MIOS: variants seen among roughly 807,000 people sequenced by gnomAD.
MIOS encodes the protein meiosis regulator for oocyte development.
In MIOS, 52 loss-of-function variants were observed where a neutral mutation model predicts 96.9. The ratio of observed to expected loss-of-function variants is 0.54; its 90% CI spans 0.43 to 0.68. The LOEUF (loss-of-function observed/expected upper bound fraction) is 0.68. Ranked by LOEUF, MIOS falls within the 30% of genes least tolerant of loss-of-function variation. MIOS has a pLI of 0.00. For synonymous variants in MIOS, 397 were observed against 359.5 expected (o/e 1.10, Z -1.18); for missense variants, 1,005 against 1,052.8 (o/e 0.95, Z 0.63).
intron 3 of MIOS, among the ~76,000 whole-genome samples, chr7:7,570,575 C>T (rs1968081): frequency 1.3e-5 from 2 of 151,340 alleles, no homozygotes; most frequent in African/African-American, 4.9e-5. Flanking sequence ...TACAACTCAC[C>T]GTAATGTAGA....
chr7:7,609,096 A>G (rs1369400823), downstream of MIOS, among the ~76,000 whole-genome samples: 2 of 152,112 alleles, frequency 1.3e-5, no homozygotes, highest in African/African-American at 2.4e-5. Context: ...AAGTGTTTTT[A>G]TTATTTTTAA....
intron 3 of MIOS, among the ~76,000 whole-genome samples, chr7:7,571,909 A>C (rs115572649): frequency 0.014 from 2,123 of 152,334 alleles, 46 homozygotes; most frequent in African/African-American, 0.048. Flanking sequence ...AATTTGTTAA[A>C]ATTAAGGTTT....
At chr7:7,588,437 C>A in intron 7 of MIOS, 61 bp from the exon 8 acceptor site, 1 of 995,422 alleles carries the variant, frequency 1.0e-6, no homozygotes, top group Non-Finnish European at 1.5e-6. Context: ...CATTCAGTCT[C>A]TGCAAAAATT....
intron 12 of MIOS, among the ~76,000 whole-genome samples, chr7:7,606,597 T>A (rs1383454726): frequency 1.3e-5 from 2 of 152,188 alleles, no homozygotes; most frequent in Admixed American, 6.5e-5. Context: ...TCTGAGCACA[T>A]CCCTGTCACC....
Position 7,604,222 on chromosome 7 carries a change from A to T in MIOS, c.2402-1720A>T, listed in dbSNP as rs553675974. Among the ~76,000 whole-genome samples, 39 of 151,682 alleles carry T rather than the reference A, an allele frequency of 2.6e-4. No homozygotes were observed. In the South Asian group the frequency reaches 3.8e-3, roughly 15 times the overall value. Reference sequence around the variant, plus strand: ...TAAAACTTTAATAATAATAAAATTTAAAAAAAAATAAAGTGCTGGCTAGTG... The same window carrying T: ...TAAAACTTTAATAATAATAAAATTTTAAAAAAAATAAAGTGCTGGCTAGTG... On this transcript the variant is annotated intron_variant, in intron 11 of 12. Coordinates refer to ENST00000340080, the MANE Select transcript of MIOS (RefSeq NM_019005.4).
chr7:7,600,399 A>G (rs1021618002), intron 11 of MIOS, among the ~76,000 whole-genome samples: 6 of 152,190 alleles, frequency 3.9e-5, no homozygotes, highest in African/African-American at 1.2e-4. Context: ...ATGGAAAACA[A>G]AAAAAGGCAG....
At chr7:7,577,826 T>A (rs924184860) in intron 5 of MIOS, among the ~76,000 whole-genome samples, 1 of 152,008 alleles carries the variant, frequency 6.6e-6, no homozygotes, top group Non-Finnish European at 1.5e-5. Flanking sequence ...GAGAGAGAGC[T>A]GTCTTGAGAA....
At chr7:7,592,357 C>T (rs2115446593) in intron 9 of MIOS, among the ~76,000 whole-genome samples, 1 of 152,300 alleles carries the variant, frequency 6.6e-6, no homozygotes, top group Non-Finnish European at 1.5e-5. Flanking sequence ...GGGAATTGTT[C>T]ATTTCAGTTA....
Position 7,583,298 on chromosome 7 carries a change from C to T in MIOS, c.1574C>T (p.Ala525Val). The T allele has an allele frequency of 1.2e-6, 2 of 1,614,062 alleles. No individual in the cohort carries two copies. Among genetic ancestry groups the T allele is most frequent in the Non-Finnish European group, 1.7e-6 (2 of 1,179,982 alleles). ...CAAGAAGGGGAATGGGAAAGAGCTG[C>T]TGCTGTGGCATTGTTCAACTTGGAT... The part of the protein sequence containing the change: ...LVQEGEWERA[A>V]AVALFNLDIR... Residue 525 changes from alanine to valine, a missense_variant, in exon 6 of 13, where the codon GCT (alanine) becomes GTT (valine). Ala to Val is a moderately conservative substitution (Grantham distance 64). Coordinates refer to ENST00000340080, the MANE Select transcript of MIOS (RefSeq NM_019005.4).
At chr7:7,593,991 A>G (rs1197690034) in intron 9 of MIOS, among the ~76,000 whole-genome samples, 61 of 152,110 alleles carry the variant, frequency 4.0e-4, no homozygotes, top group Admixed American at 4.0e-3. Context: ...GAAAATTATT[A>G]CTGGCAAGAA....
At chr7:7,585,540 A>T in intron 6 of MIOS, 96 bp from the exon 7 acceptor site, 1 of 1,169,704 alleles carries the variant, frequency 8.5e-7, no homozygotes. Flanking sequence ...TCTGAGGGTA[A>T]AAGTCACCCT....
intron 6 of MIOS, 68 bp from the exon 7 acceptor site, chr7:7,585,567 GT>G (rs1215924788): frequency 2.2e-6 from 3 of 1,355,084 alleles, no homozygotes; most frequent in Non-Finnish European, 2.9e-6. Context: ...TCTATTTATG[GT>G]TTAAGAAATG....
At chr7:7,567,834 A>C (rs892085793) in intron 2 of MIOS, 146 bp downstream of exon 2, 1 of 152,252 alleles carries the variant, frequency 6.6e-6, no homozygotes, top group African/African-American at 2.4e-5. Flanking sequence ...CGGATTTCCC[A>C]GAGTTGGTGC....
chr7:7,599,177 T>A (rs139005245), intron 11 of MIOS, among the ~76,000 whole-genome samples: 1 of 152,162 alleles, frequency 6.6e-6, no homozygotes, highest in Non-Finnish European at 1.5e-5. Context: ...AAAATAAAAT[T>A]ACGGTAATCT....
intron 11 of MIOS, among the ~76,000 whole-genome samples, chr7:7,603,861 A>G (rs1583661616): frequency 2.0e-5 from 3 of 151,896 alleles, no homozygotes; most frequent in East Asian, 1.9e-4. Context: ...GCACATATAC[A>G]CCATGGAATA....
At chr7:7,601,024 A>G (rs1376968517) in intron 11 of MIOS, among the ~76,000 whole-genome samples, 1 of 152,076 alleles carries the variant, frequency 6.6e-6, no homozygotes, top group East Asian at 1.9e-4. Context: ...ACCAACGAGA[A>G]CAAAGACACA....
chr7:7,605,835 T>C, intron 11 of MIOS, 107 bp from the exon 12 acceptor site: 1 of 1,130,658 alleles, frequency 8.8e-7, no homozygotes, highest in East Asian at 2.6e-5. Flanking sequence ...TATTTCAATA[T>C]GATGTGTGAT....
At chr7:7,570,470 G>C (rs2115336207) in intron 3 of MIOS, among the ~76,000 whole-genome samples, 2 of 152,160 alleles carry the variant, frequency 1.3e-5, no homozygotes, top group Middle Eastern at 6.8e-3. Context: ...TCTCACGGAT[G>C]AGGGGTGGGG....
chr7:7,574,177 A>G lies in MIOS; in HGVS notation c.1374A>G (p.Ser458=). Reference sequence around the variant, plus strand: ...CATTGGTTTATGCAGGAATTAAATCAATTGTAAAGTCATCGTTGGGTAAGA... The same window carrying G: ...CATTGGTTTATGCAGGAATTAAATCGATTGTAAAGTCATCGTTGGGTAAGA... ...KGSLVYAGIK[S]IVKSSLGMVE... The change falls in exon 5 of 13, where the codon TCA becomes TCG. Residue 458 remains serine (S), a synonymous_variant. Coordinates refer to ENST00000340080, the MANE Select transcript of MIOS (RefSeq NM_019005.4). The G allele has an allele frequency of 6.2e-7, 1 of 1,607,202 alleles. No individual in the cohort carries two copies. Among genetic ancestry groups the G allele is most frequent in the Non-Finnish European group, 8.5e-7 (1 of 1,176,324 alleles).
Sources: gnomAD v4.1 joint callset for allele counts (sites outside exome capture counted in the v4.1 genomes callset) on GRCh38, gnomAD v4.1.1 for gene constraint, MANE v1.5 for transcripts, NCBI Gene and HGNC (gene_info 2026-07-23, HGNC 2026-07-21) for gene names.